Variants in IGSF22 observed in about 807,000 individuals in gnomAD.
IGSF22 encodes the protein immunoglobulin superfamily, member 22.
Under a neutral mutation model 127.0 loss-of-function variants are expected in IGSF22, and 119 were observed. The ratio of observed to expected loss-of-function variants is 0.94; its 90% CI spans 0.81 to 1.09. The LOEUF is 1.09. Ranked by LOEUF, IGSF22 falls within the 50% of genes least tolerant of loss-of-function variation. The pLI is 0.00. For synonymous variants in IGSF22, 568 were observed against 664.7 expected, an observed-to-expected ratio of 0.85 and a Z score of 2.24; for missense variants, 1,518 against 1,716.6, an observed-to-expected ratio of 0.88 and a Z score of 2.04.
intron 21 of IGSF22, chr11:18,706,391 A>C: frequency 2.0e-6 from 1 of 495,528 alleles, no homozygotes; most frequent in Non-Finnish European, 3.5e-6. Context: ...GCTTTCCCAC[A>C]CCCCTGGGGC....
Position 18,714,019 on chromosome 11 carries a change from T to C in IGSF22, c.1928A>G (p.Lys643Arg). The C allele has an allele frequency of 6.2e-7, 1 of 1,614,274 alleles. No individual in the cohort carries two copies. The highest frequency in any genetic ancestry group is 8.5e-7 in the Non-Finnish European group (1 of 1,180,042). ...CTCCTCCGTCACTTCCATGCCATCCTTGTACCATGTCACTTTGGGCAGTGG... is the reference window on the plus strand; with the variant it reads ...CTCCTCCGTCACTTCCATGCCATCCCTGTACCATGTCACTTTGGGCAGTGG... ...GKPLPKVTWY[K>R]DGMEVTEEER... is the part of the protein sequence containing the mutation. Residue 643 changes from lysine to arginine, a missense_variant, in exon 14 of 23, where the codon AAG (lysine) becomes AGG (arginine). Physicochemically the swap from Lys to Arg is conservative, Grantham distance 26. Around this residue, in one of 3 missense-constraint regions of IGSF22, gnomAD observed 1,456 missense variants for 1,644.9 expected, o/e 0.89. Transcript: ENST00000513874.
In IGSF22 at chr11:18,712,370, G is replaced by A; in HGVS notation, c.2110C>T (p.Pro704Ser). ...TCCAGGAACTCCACCCGGCCCTGTG[G>A]AGGCTTTGGACGGTCTGGGGACAGA... ...HLSVLDRPKP[P>S]QGRVEFLELS... The change falls in exon 15 of 23, where the codon CCA becomes TCA. Residue 704 changes from proline to serine, a missense_variant. By Grantham distance (74) the Pro-to-Ser change is moderately conservative. Around this residue, in one of 3 missense-constraint regions of IGSF22, gnomAD observed 1,456 missense variants for 1,644.9 expected, o/e 0.89. Transcript: ENST00000513874. 1 of 1,551,116 alleles carries A rather than the reference G, an allele frequency of 6.4e-7. No individual in the cohort carries two copies. Among genetic ancestry groups the A allele is most frequent in the Non-Finnish European group, 8.7e-7 (1 of 1,146,538 alleles).
At position 18,713,919 on chromosome 11, in the gene IGSF22, G is replaced by A; in HGVS notation, c.2028C>T (p.Gly676=). 1 of 1,614,258 alleles carries A rather than the reference G, an allele frequency of 6.2e-7. No homozygotes were observed. The highest frequency in any genetic ancestry group is 1.7e-5 in the Admixed American group (1 of 60,034). ...CATTCTTGAGCTTGAGCAGGATGAG[G>A]CCGCTGTCTTCACGCACACAGTTGG... The part of the protein sequence containing the change: ...TISNCVREDS[G]LILLKLKNDH... Residue 676 remains glycine, a synonymous_variant, in exon 14 of 23, where the codon GGC becomes GGT. Transcript: ENST00000513874.
chr11:18,716,531 C>A lies in IGSF22; in HGVS notation c.1246+197G>T, dbSNP rs983846608. On this transcript the variant is annotated intron_variant, in intron 10 of 22. Coordinates refer to ENST00000513874, the MANE Select transcript of IGSF22 (RefSeq NM_173588.4). This position sits in a 1 kb window ranked among gnomAD's most constrained non-coding sequence, Gnocchi z 4.5. ...GACTCGTGGAATAATAACTGCTATTCTAATTTCATTTTCATACCTGCCTCC... is the reference window on the plus strand; with the variant it reads ...GACTCGTGGAATAATAACTGCTATTATAATTTCATTTTCATACCTGCCTCC... Among the ~76,000 whole-genome samples the A allele has an allele frequency of 1.3e-5, 2 of 152,156 alleles. No homozygotes were observed. The highest frequency in any genetic ancestry group is 2.9e-5 in the Non-Finnish European group (2 of 68,034).
intron 20 of IGSF22, 38 bp downstream of exon 20, chr11:18,707,766 A>G (rs774348653): frequency 1.8e-4 from 281 of 1,523,756 alleles, no homozygotes; most frequent in Non-Finnish European, 2.3e-4. Context: ...GAGAGTGTAC[A>G]GGGATGGGTC....
Position 18,707,203 on chromosome 11 carries a change from C to T in IGSF22, c.3291G>A (p.Arg1097=). The T allele has an allele frequency of 6.5e-7, 1 of 1,528,468 alleles. No homozygotes were observed. Among genetic ancestry groups the T allele is most frequent in the Non-Finnish European group, 8.8e-7 (1 of 1,132,826 alleles). 94.7% of individuals were successfully genotyped at this position (1,528,468 alleles called of 1,614,324 possible). A position where few individuals can be genotyped will look rare whatever the true frequency, so the allele number is the denominator to read the frequency against. ...DIHVRVADFP[R]PPTNLRLFEE... is the part of the protein sequence containing the mutation. ...CAAACAACCGTAGGTTTGTGGGGGG[C>T]CGAGGGAAATCTGGAAGAGTTGGAA... Residue 1097 remains arginine, a synonymous_variant, in exon 21 of 23, where the codon CGG becomes CGA. Coordinates refer to ENST00000513874, the MANE Select transcript of IGSF22 (RefSeq NM_173588.4).
At chr11:18,720,009 G>C in intron 6 of IGSF22, 55 bp downstream of exon 6, 1 of 1,611,230 alleles carries the variant, frequency 6.2e-7, no homozygotes, top group Admixed American at 1.7e-5. Flanking sequence ...CCTTTGAGAG[G>C]CTTTGGCCTG....
In IGSF22 at chr11:18,720,111, T is replaced by G. The variant is rs1398403654; in HGVS notation, c.479-8A>C. On this transcript the variant is annotated splice_polypyrimidine_tract_variant and splice_region_variant and intron_variant, in intron 5 of 22. Coordinates refer to ENST00000513874, the MANE Select transcript of IGSF22 (RefSeq NM_173588.4). ...AGTCCATTTTCTCTTGACCTGAGGA[T>G]AGACAGAGGGACAGGTTCAGACAGG... 1.2e-6 allele frequency: 2 copies of G among 1,614,018 alleles called. No homozygotes were observed. The highest frequency in any genetic ancestry group is 1.7e-6 in the Non-Finnish European group (2 of 1,180,018).
chr11:18,725,990 T>C (rs1013024449), intron 1 of IGSF22, 84 bp downstream of exon 1: 1 of 152,504 alleles, frequency 6.6e-6, no homozygotes, highest in African/African-American at 2.4e-5. Flanking sequence ...CCTGTTCCTA[T>C]TCCTGCCCTC....
chr11:18,721,882 G>T, intron 3 of IGSF22, 28 bp downstream of exon 3: 2 of 1,610,568 alleles, frequency 1.2e-6, no homozygotes, highest in Non-Finnish European at 8.5e-7. Flanking sequence ...AAGCACTGGA[G>T]CCCGGTGAGC....
intron 17 of IGSF22, 112 bp downstream of exon 17, chr11:18,710,215 G>T (rs1048324229): frequency 7.3e-7 from 1 of 1,374,220 alleles, no homozygotes; most frequent in South Asian, 1.3e-5. Flanking sequence ...GCAGTTTCCA[G>T]AGTGTAGAGA....
chr11:18,704,488 T>G lies in IGSF22; in HGVS notation c.3961A>C (p.Lys1321Gln). ...VASITESLQKKSKHLM is the reference protein window; with the variant it reads ...VASITESLQKQSKHLM The stretch of plus-strand genomic sequence containing the variant: ...GGAGCTCACATGAGGTGCTTTGATT[T>G]CTTCTGCAGACTCTCGGTGATGGAT... Residue 1321 changes from lysine (K) to glutamine (Q), a missense_variant, in exon 23 of 23, where the codon AAA becomes CAA. This residue lies in a region of IGSF22 where 58 missense variants were observed against 53.0 expected (regional missense o/e 1.10). Coordinates refer to ENST00000513874, the MANE Select transcript of IGSF22 (RefSeq NM_173588.4). 1 of 1,550,958 alleles carries G rather than the reference T, an allele frequency of 6.4e-7. No homozygotes were observed. Among genetic ancestry groups the G allele is most frequent in the Non-Finnish European group, 8.7e-7 (1 of 1,146,570 alleles).
intron 14 of IGSF22, among the ~76,000 whole-genome samples, chr11:18,713,512 C>G (rs932863405): frequency 3.3e-5 from 5 of 152,192 alleles, no homozygotes; most frequent in African/African-American, 4.8e-5. Context: ...TACCTCCTAT[C>G]AAGTTTTCCT....
chr11:18,707,771 TG>T, intron 20 of IGSF22, 32 bp downstream of exon 20: 1 of 1,534,314 alleles, frequency 6.5e-7, no homozygotes. Flanking sequence ...TGTACAGGGA[TG>T]GGTCTTGGAG....
intron 7 of IGSF22, among the ~76,000 whole-genome samples, chr11:18,719,205 C>T (rs185709476): frequency 2.0e-5 from 3 of 152,236 alleles, no homozygotes; most frequent in African/African-American, 4.8e-5. Flanking sequence ...AGTGCAGTGG[C>T]GTGATCTTGG....
rs540424973 is a variant in IGSF22 at position 18,721,284 on chromosome 11, G to A, written c.378+251C>T. Among the ~76,000 whole-genome samples, 9 of 152,326 alleles carry A rather than the reference G, an allele frequency of 5.9e-5. No homozygotes were observed. In the East Asian group the frequency reaches 1.5e-3, roughly 26 times the overall value. Reference sequence around the variant, plus strand: ...CTTCCATTGCGTCCCGCCCCGCCACGTTCTGGCTCTGCCCCTGCTCTGCTC... The same window carrying A: ...CTTCCATTGCGTCCCGCCCCGCCACATTCTGGCTCTGCCCCTGCTCTGCTC... On this transcript the variant is annotated intron_variant, in intron 4 of 22. Coordinates refer to ENST00000513874, the MANE Select transcript of IGSF22 (RefSeq NM_173588.4).
At chr11:18,708,112 GCAGAGTCAGAGT>G in intron 19 of IGSF22, 83 bp downstream of exon 19, 2 of 1,523,132 alleles carry the variant, frequency 1.3e-6, no homozygotes, top group African/African-American at 1.4e-5. Context: ...CTGGTGAGGG[GCAGAGTCAGAGT>G]CAGAGTCAGA....
At chr11:18,721,793 C>A (rs1259764055) in intron 3 of IGSF22, 117 bp downstream of exon 3, 3 of 1,584,568 alleles carry the variant, frequency 1.9e-6, no homozygotes, top group African/African-American at 2.7e-5. Flanking sequence ...GGGAGGAACC[C>A]TCGGCCAGGC....
rs368494069 is a variant in IGSF22 at position 18,714,582 on chromosome 11, G to A, written c.1574C>T (p.Ala525Val). ...CAACTCAGCTGGGCTCCCAGTGGCC[G>A]CGTGCACGTCGGACATCCCGCTCTT... Reference protein sequence around the residue: ...TVKSGMSDVHAATGSPAELCV... With the variant: ...TVKSGMSDVHVATGSPAELCV... Residue 525 changes from alanine to valine, a missense_variant, in exon 12 of 23, where the codon GCG (alanine) becomes GTG (valine). Ala to Val is a moderately conservative substitution (Grantham distance 64). Around this residue, in one of 3 missense-constraint regions of IGSF22, gnomAD observed 1,456 missense variants for 1,644.9 expected, o/e 0.89. Transcript: ENST00000513874. 23 of 1,614,068 alleles carry A rather than the reference G, an allele frequency of 1.4e-5. No individual in the cohort carries two copies. The highest frequency in any genetic ancestry group is 1.3e-4 in the East Asian group (6 of 44,896).
Sources: gnomAD v4.1 joint callset for allele counts (sites outside exome capture counted in the v4.1 genomes callset) on GRCh38, gnomAD v4.1.1 for gene constraint, gnomAD v4.1.1 regional missense constraint, Gnocchi (gnomAD v3.1) non-coding constraint, MANE v1.5 for transcripts, NCBI Gene and HGNC (gene_info 2026-07-23, HGNC 2026-07-21) for gene names.